The following USH1C variants were observed in gnomAD, a reference collection of about 807,000 sequenced individuals.
USH1C encodes USH1 protein network component harmonin, also known as harmonin.
In USH1C, 90 loss-of-function variants were observed where a neutral mutation model predicts 119.3. The observed-to-expected ratio is 0.75, with a 90% CI of 0.64 to 0.90. The LOEUF is 0.90. USH1C is among the 40% of genes least tolerant of loss of function. The probability of loss-of-function intolerance (pLI) is 0.00; values close to 1 mark genes in which losing one functional copy is unlikely to be tolerated. For missense variants in USH1C, 1,165 were observed against 1,167.7 expected (o/e 1.00, Z 0.03); for synonymous variants, 465 against 443.3 (o/e 1.05, Z -0.62).
Position 17,495,689 on chromosome 11 carries a change from G to T in USH1C, c.2547-12C>A. The T allele has an allele frequency of 6.2e-7, 1 of 1,613,744 alleles. No individual in the cohort carries two copies. Among genetic ancestry groups the T allele is most frequent in the South Asian group, 1.1e-5 (1 of 91,064 alleles). ...AGGGAAGAGAAGCTCTATATATACA[G>T]AGCAGAGCAAGAAACACAAAACAGG... On this transcript the variant is annotated splice_polypyrimidine_tract_variant and intron_variant, in intron 25 of 26. Coordinates refer to ENST00000005226, the MANE Select transcript of USH1C (RefSeq NM_153676.4).
At position 17,495,279 on chromosome 11, in the gene USH1C, T is replaced by C. The variant is rs370881142; in HGVS notation, c.2655+290A>G. ...GTTGCCCAGGGCTTCATCCTGCTCA[T>C]TTGGGTGCTGCTTGGGACCCAAAGC... On this transcript the variant is annotated intron_variant, in intron 26 of 26. Coordinates refer to ENST00000005226, the MANE Select transcript of USH1C (RefSeq NM_153676.4). 2.0e-4 allele frequency among the ~76,000 whole-genome samples: 31 copies of C among 152,256 alleles called. No homozygotes were observed. In the South Asian group the frequency reaches 6.2e-3, roughly 31 times the overall value.
chr11:17,523,956 A>G (rs534456863), intron 9 of USH1C, among the ~76,000 whole-genome samples: 1 of 152,374 alleles, frequency 6.6e-6, no homozygotes, highest in Admixed American at 6.5e-5. Context: ...CTTACAGGTA[A>G]GCAAACAGAC....
At chr11:17,504,303 C>G (rs958872346) in intron 20 of USH1C, among the ~76,000 whole-genome samples, 1 of 152,196 alleles carries the variant, frequency 6.6e-6, no homozygotes, top group Non-Finnish European at 1.5e-5. Flanking sequence ...TTCCCTCTCT[C>G]CTAGGGCTGG....
At chr11:17,539,841 T>G (rs929229026) in intron 1 of USH1C, among the ~76,000 whole-genome samples, 1 of 149,254 alleles carries the variant, frequency 6.7e-6, no homozygotes, top group African/African-American at 2.5e-5. Context: ...TTCTTTTTTT[T>G]TTTTTTTTTG....
intron 23 of USH1C, among the ~76,000 whole-genome samples, chr11:17,500,153 G>T (rs1379529594): frequency 6.6e-6 from 1 of 152,224 alleles, no homozygotes; most frequent in Non-Finnish European, 1.5e-5. Context: ...AGCAGAGGGT[G>T]TTTTTGTAGA....
In USH1C at chr11:17,517,403, G is replaced by A. The variant is rs772148994; in HGVS notation, c.1211-1113C>T. 1.3e-6 allele frequency: 2 copies of A among 1,581,702 alleles called. No individual in the cohort carries two copies. The highest frequency in any genetic ancestry group is 1.7e-6 in the Non-Finnish European group (2 of 1,163,118). On this transcript the variant is annotated intron_variant, in intron 14 of 26. Coordinates refer to ENST00000005226, the MANE Select transcript of USH1C (RefSeq NM_153676.4). ...GGGAGCAAAGCGGGGACGCGAACCT[G>A]CTCTCCCTGCTCCTCCGTGCCTCCA...
At chr11:17,499,254 A>G (rs1450091830) in intron 23 of USH1C, among the ~76,000 whole-genome samples, 1 of 152,192 alleles carries the variant, frequency 6.6e-6, no homozygotes, top group Non-Finnish European at 1.5e-5. Context: ...GCCTTGTGGC[A>G]TGAAGGCCCA....
chr11:17,531,297 C>T lies in USH1C; in HGVS notation c.249-5G>A, dbSNP rs1850962750. The T allele has an allele frequency of 6.2e-7, 1 of 1,614,046 alleles. No individual in the cohort carries two copies. The highest frequency in any genetic ancestry group is 8.5e-7 in the Non-Finnish European group (1 of 1,180,056). ...AGACGCACCTCCTTCAGCTTCCTGC[C>T]ACACAGGAGAGGTCGGTGATGGTGC... On this transcript the variant is annotated splice_polypyrimidine_tract_variant and splice_region_variant and intron_variant, in intron 3 of 26. Transcript: ENST00000005226. This position sits in a 1 kb window ranked among gnomAD's most constrained non-coding sequence, Gnocchi z 4.2.
chr11:17,509,416 G>C lies in USH1C; in HGVS notation c.1953C>G (p.Asn651Lys), dbSNP rs1849770592. 1.2e-6 allele frequency: 2 copies of C among 1,605,960 alleles called. No homozygotes were observed. The highest frequency in any genetic ancestry group is 1.7e-4 in the Middle Eastern group (1 of 6,056). Residue 651 changes from asparagine to lysine, a missense_variant, in exon 18 of 27, where the codon AAC (asparagine) becomes AAG (lysine). Physicochemically the swap from Asn to Lys is moderately conservative, Grantham distance 94. Coordinates refer to ENST00000005226, the MANE Select transcript of USH1C (RefSeq NM_153676.4). Reference protein sequence around the residue: ...GNPVEDWEAKNHSGKPTNSPV... With the variant: ...GNPVEDWEAKKHSGKPTNSPV... ...GGGAGTTAGTGGGCTTCCCACTGTG[G>C]TTCTTTGCCTCCCAGTCCTCCACTG...
intron 16 of USH1C, among the ~76,000 whole-genome samples, chr11:17,511,467 T>C (rs1030149743): frequency 3.9e-5 from 6 of 152,162 alleles, no homozygotes; most frequent in Admixed American, 2.6e-4. Context: ...GACCATACTC[T>C]AAGTAGCCTC....
At chr11:17,543,787 AG>A (rs1406466403) in intron 1 of USH1C, among the ~76,000 whole-genome samples, 1 of 152,242 alleles carries the variant, frequency 6.6e-6, no homozygotes, top group African/African-American at 2.4e-5. Flanking sequence ...TTAGGCAGGC[AG>A]GGCTGAAATG....
intron 12 of USH1C, among the ~76,000 whole-genome samples, chr11:17,522,266 C>T (rs998177825): frequency 6.6e-6 from 1 of 152,218 alleles, no homozygotes; most frequent in African/African-American, 2.4e-5. Context: ...AGCTTCATCA[C>T]TATAGGCAGG....
chr11:17,512,987 C>A (rs930585719), intron 15 of USH1C, among the ~76,000 whole-genome samples: 1 of 152,162 alleles, frequency 6.6e-6, no homozygotes, highest in African/African-American at 2.4e-5. Flanking sequence ...AGAGAATGAT[C>A]ATTTATGAAC....
chr11:17,511,984 T>G lies in USH1C; in HGVS notation c.1331A>C (p.Glu444Ala). 1 of 1,614,248 alleles carries G rather than the reference T, an allele frequency of 6.2e-7. No homozygotes were observed. The highest frequency in any genetic ancestry group is 8.5e-7 in the Non-Finnish European group (1 of 1,180,052). ...QDLRKNKKEL[E>A]FEQKLYKEKE... ...CTCTTTGTAAAGCTTTTGCTCAAAC[T>G]CCAGTTCTTTCTTATTCTTTCTCAA... The change falls in exon 16 of 27, where the codon GAG becomes GCG. Residue 444 changes from glutamate to alanine, a missense_variant. Transcript: ENST00000005226.
In USH1C at chr11:17,501,514, C is replaced by A; in HGVS notation, c.2248G>T (p.Gly750Trp). Residue 750 changes from glycine to tryptophan, a missense_variant, in exon 22 of 27, where the codon GGG becomes TGG. Coordinates refer to ENST00000005226, the MANE Select transcript of USH1C (RefSeq NM_153676.4). ...ATGCGTAGGAGCCGGACATCCTTCC[C>A]CATGATCTGCTCTGGGGTGAACTAG... is the stretch of plus-strand genomic sequence containing the variant. Reference protein sequence around the residue: ...YSMFTPEQIMGKDVRLLRIKK... With the variant: ...YSMFTPEQIMWKDVRLLRIKK... The A allele has an allele frequency of 6.2e-7, 1 of 1,613,048 alleles. No homozygotes were observed. Among genetic ancestry groups the A allele is most frequent in the South Asian group, 1.1e-5 (1 of 90,726 alleles).
chr11:17,497,315 G>A (rs1337990553), intron 24 of USH1C, among the ~76,000 whole-genome samples: 2 of 152,092 alleles, frequency 1.3e-5, no homozygotes, highest in African/African-American at 2.4e-5. Flanking sequence ...CCTTGGCTTA[G>A]GTGTATCCCC....
intron 26 of USH1C, 107 bp downstream of exon 26, chr11:17,495,462 G>T (rs557008731): frequency 8.4e-7 from 1 of 1,185,714 alleles, no homozygotes; most frequent in Non-Finnish European, 1.3e-6. Flanking sequence ...GGCGCCTTGT[G>T]TACCCTCCAG....
intron 14 of USH1C, among the ~76,000 whole-genome samples, chr11:17,519,181 G>A (rs79649578): frequency 0.03 from 4,622 of 152,282 alleles, 236 homozygotes; most frequent in African/African-American, 0.11. Flanking sequence ...GCTAGACCCC[G>A]GGGAACAGGG....
intron 7 of USH1C, 72 bp from the exon 8 acceptor site, chr11:17,526,513 C>A (rs1850682767): frequency 2.2e-6 from 3 of 1,391,688 alleles, no homozygotes; most frequent in Non-Finnish European, 3.0e-6. Context: ...CTTGTGGGAT[C>A]TGCAGGGCGA....
Sources: gnomAD v4.1 joint callset for allele counts (sites outside exome capture counted in the v4.1 genomes callset) on GRCh38, gnomAD v4.1.1 for gene constraint, Gnocchi (gnomAD v3.1) non-coding constraint, MANE v1.5 for transcripts, NCBI Gene and HGNC (gene_info 2026-07-23, HGNC 2026-07-21) for gene names.